SCLT1: variants seen among roughly 807,000 people sequenced by gnomAD.
The protein encoded by SCLT1 is sodium channel-associated protein 1.
SCLT1 carries 78 observed loss-of-function variants against 112.8 expected under a neutral mutation model. The ratio of observed to expected loss-of-function variants is 0.69; its 90% CI spans 0.58 to 0.83. The LOEUF (loss-of-function observed/expected upper bound fraction) is 0.83. SCLT1 is among the 40% of genes least tolerant of loss of function. The pLI is 0.00. For synonymous variants in SCLT1, 257 were observed against 254.7 expected (o/e 1.01, Z -0.09); for missense variants, 747 against 770.4 (o/e 0.97, Z 0.36).
chr4:128,952,710 T>A (rs368189795), intron 14 of SCLT1, 59 bp downstream of exon 14: 8 of 929,030 alleles, frequency 8.6e-6, no homozygotes. Context: ...CAATAGTATA[T>A]ATCTTGGCCT....
At chr4:128,901,536 G>A (rs1009553779) in intron 18 of SCLT1, among the ~76,000 whole-genome samples, 3 of 151,626 alleles carry the variant, frequency 2.0e-5, no homozygotes, top group Non-Finnish European at 4.4e-5. Context: ...TGGTGGGGGG[G>A]GGGAGGGATA....
At chr4:129,073,505 T>C (rs962545229) in intron 2 of SCLT1, among the ~76,000 whole-genome samples, 5 of 152,184 alleles carry the variant, frequency 3.3e-5, no homozygotes, top group African/African-American at 9.7e-5. Context: ...CAGTAATATA[T>C]GGGCTAATTG....
chr4:128,937,595 T>C (rs1028751078), intron 17 of SCLT1, among the ~76,000 whole-genome samples: 5 of 152,220 alleles, frequency 3.3e-5, no homozygotes, highest in Admixed American at 3.3e-4. Flanking sequence ...CAAAGGGCTT[T>C]GTAAAGTCAA....
intron 20 of SCLT1, among the ~76,000 whole-genome samples, chr4:128,888,243 G>A (rs1733039785): frequency 6.6e-6 from 1 of 151,532 alleles, no homozygotes; most frequent in Admixed American, 6.6e-5. Context: ...CAGAGTGAGG[G>A]TCTCACTCTG....
At chr4:129,038,939 C>T in intron 5 of SCLT1, 102 bp downstream of exon 5, 2 of 759,818 alleles carry the variant, frequency 2.6e-6, no homozygotes, top group Non-Finnish European at 2.3e-6. Flanking sequence ...CCGGGGTCCA[C>T]ATTCTTAACT....
chr4:129,091,843 G>A (rs1387886690), intron 1 of SCLT1, among the ~76,000 whole-genome samples: 1 of 152,174 alleles, frequency 6.6e-6, no homozygotes, highest in Non-Finnish European at 1.5e-5. Context: ...CCTGGAAAGA[G>A]GTAGGCTGTG....
intron 2 of SCLT1, among the ~76,000 whole-genome samples, chr4:129,048,326 A>C (rs929431145): frequency 1.3e-5 from 2 of 152,194 alleles, no homozygotes; most frequent in African/African-American, 4.8e-5. Context: ...ATAACACCAC[A>C]TATCTACAAC....
rs1263792148 is a variant in SCLT1, at chr4:128,998,127, T to TA, written c.550-189dup. On this transcript the variant is annotated intron_variant, in intron 7 of 20. Transcript: ENST00000281142. ...GAAATTTTTTAAATGATTAAAAAAT[T>TA]AAAGTGGCAATGCTGAAATTAATGT... 9.9e-5 allele frequency among the ~76,000 whole-genome samples: 15 copies of TA among 151,934 alleles called. 2 individuals are homozygous for TA. The East Asian group carries it at 2.9e-3, about 29-fold the overall frequency.
At chr4:129,048,855 T>C (rs1201521859) in intron 2 of SCLT1, among the ~76,000 whole-genome samples, 4 of 152,116 alleles carry the variant, frequency 2.6e-5, no homozygotes, top group Non-Finnish European at 4.4e-5. Context: ...AAGACATTTA[T>C]GCAGCCAAAA....
chr4:129,062,462 T>A (rs1750072024), intron 2 of SCLT1, among the ~76,000 whole-genome samples: 1 of 152,156 alleles, frequency 6.6e-6, no homozygotes, highest in South Asian at 2.1e-4. Context: ...AGAATATTCT[T>A]GACTATAAAC....
chr4:129,090,480 A>C (rs1192873209), intron 1 of SCLT1, among the ~76,000 whole-genome samples: 1 of 152,186 alleles, frequency 6.6e-6, no homozygotes, highest in African/African-American at 2.4e-5. Context: ...TAAATGTAAA[A>C]CCTAAAACTA....
intron 9 of SCLT1, among the ~76,000 whole-genome samples, chr4:128,982,760 C>T (rs1029171463): frequency 5.3e-5 from 8 of 152,018 alleles, no homozygotes; most frequent in African/African-American, 1.7e-4. Flanking sequence ...CCTTGGCCTC[C>T]GAAAGTGCTG....
intron 2 of SCLT1, among the ~76,000 whole-genome samples, chr4:129,077,998 T>A (rs1025585097): frequency 3.3e-5 from 5 of 151,910 alleles, no homozygotes; most frequent in Non-Finnish European, 7.4e-5. Context: ...GGGATGGGAG[T>A]CTGGAAACAG....
chr4:128,945,975 G>A, intron 16 of SCLT1, 32 bp downstream of exon 16: 3 of 1,499,368 alleles, frequency 2.0e-6, no homozygotes, highest in Non-Finnish European at 1.8e-6. Flanking sequence ...TTCTGAAGAT[G>A]TTATCATAGA....
At chr4:129,073,526 C>A (rs1025481049) in intron 2 of SCLT1, among the ~76,000 whole-genome samples, 1 of 152,084 alleles carries the variant, frequency 6.6e-6, no homozygotes, top group African/African-American at 2.4e-5. Context: ...ATCTACCCAT[C>A]ATTTATATGG....
intron 9 of SCLT1, among the ~76,000 whole-genome samples, chr4:128,983,060 G>A (rs1192141332): frequency 6.6e-6 from 1 of 151,754 alleles, no homozygotes; most frequent in Admixed American, 6.6e-5. Flanking sequence ...GGCTAATTTT[G>A]TATTTTTAGT....
chr4:128,970,069 C>T (rs1295686086), intron 10 of SCLT1, among the ~76,000 whole-genome samples: 2 of 152,086 alleles, frequency 1.3e-5, no homozygotes, highest in Non-Finnish European at 2.9e-5. Flanking sequence ...GTATTAAATG[C>T]TTGTTTTCCA....
chr4:128,897,232 A>G (rs1320917693), intron 18 of SCLT1, among the ~76,000 whole-genome samples: 1 of 152,156 alleles, frequency 6.6e-6, no homozygotes, highest in Non-Finnish European at 1.5e-5. Flanking sequence ...CAGATTCACC[A>G]AAGTTGAAAT....
chr4:129,015,335 C>G (rs552346034), intron 5 of SCLT1, among the ~76,000 whole-genome samples: 1 of 152,158 alleles, frequency 6.6e-6, no homozygotes, highest in South Asian at 2.1e-4. Context: ...CTCTGCAAGT[C>G]AGGCACGGTC....
Sources: gnomAD v4.1 joint callset for allele counts (sites outside exome capture counted in the v4.1 genomes callset) on GRCh38, gnomAD v4.1.1 for gene constraint, MANE v1.5 for transcripts, NCBI Gene and HGNC (gene_info 2026-07-23, HGNC 2026-07-21) for gene names.